TBC1D22A: variants seen among roughly 807,000 people sequenced by gnomAD.
TBC1D22A encodes the protein TBC1 domain family member 22A.
In TBC1D22A, 38 loss-of-function variants were observed where a neutral mutation model predicts 60.2. The observed-to-expected ratio is 0.63, with a 90% CI of 0.49 to 0.83. The LOEUF (loss-of-function observed/expected upper bound fraction) is 0.83. Ranked by LOEUF, TBC1D22A falls within the 40% of genes least tolerant of loss-of-function variation. The pLI is 0.00. For synonymous variants in TBC1D22A, 302 were observed against 281.7 expected, an observed-to-expected ratio of 1.07 and a Z score of -0.72; for missense variants, 628 against 701.0, an observed-to-expected ratio of 0.90 and a Z score of 1.18.
intron 4 of TBC1D22A, among the ~76,000 whole-genome samples, chr22:46,812,006 G>A (rs992410759): frequency 6.6e-6 from 1 of 152,164 alleles, no homozygotes; most frequent in Non-Finnish European, 1.5e-5. Context: ...AATTGGTCCA[G>A]GTGGTTGCCA....
chr22:47,061,945 A>C (rs1315779927), intron 11 of TBC1D22A, among the ~76,000 whole-genome samples: 2 of 151,962 alleles, frequency 1.3e-5, no homozygotes, highest in Non-Finnish European at 2.9e-5. Context: ...AACGTTAGCC[A>C]GGCGTGGTGG....
intron 11 of TBC1D22A, among the ~76,000 whole-genome samples, chr22:47,077,070 G>T (rs2064258418): frequency 6.6e-6 from 1 of 152,216 alleles, no homozygotes; most frequent in South Asian, 2.1e-4. Context: ...TCACATGGCT[G>T]TTCTTAGCTG....
chr22:46,853,467 G>A (rs769939495), intron 4 of TBC1D22A, among the ~76,000 whole-genome samples: 6 of 152,188 alleles, frequency 3.9e-5, no homozygotes, highest in Non-Finnish European at 5.9e-5. Context: ...CTGTGCCCAC[G>A]TGGCTGGCCT....
At chr22:46,818,025 T>A (rs536553856) in intron 4 of TBC1D22A, among the ~76,000 whole-genome samples, 8 of 152,378 alleles carry the variant, frequency 5.3e-5, no homozygotes, top group South Asian at 2.1e-4. Flanking sequence ...TGAGCTTTTT[T>A]AAATGTTTCT....
chr22:46,995,254 T>G (rs6009089), intron 9 of TBC1D22A, among the ~76,000 whole-genome samples: 1,546 of 152,316 alleles, frequency 0.01, 29 homozygotes, highest in African/African-American at 0.035. Flanking sequence ...GGCGTCATTC[T>G]AAGTGAAGGT....
intron 4 of TBC1D22A, among the ~76,000 whole-genome samples, chr22:46,817,396 A>G (rs139584): frequency 0.45 from 67,851 of 151,516 alleles, 15,933 homozygotes; most frequent in African/African-American, 0.61. Context: ...TGTCCTCTAA[A>G]TTCCCTCCCC....
intron 10 of TBC1D22A, among the ~76,000 whole-genome samples, chr22:47,000,908 T>A (rs2061385267): frequency 6.6e-6 from 1 of 152,130 alleles, no homozygotes. Flanking sequence ...AAGGACTTCC[T>A]GGGCCAGAGT....
chr22:46,850,491 A>G (rs998469403), intron 4 of TBC1D22A, among the ~76,000 whole-genome samples: 1 of 152,228 alleles, frequency 6.6e-6, no homozygotes, highest in African/African-American at 2.4e-5. Flanking sequence ...TGATTATAAT[A>G]AAAAAGACCA....
chr22:47,134,646 C>T (rs905785632), intron 12 of TBC1D22A, among the ~76,000 whole-genome samples: 2 of 152,112 alleles, frequency 1.3e-5, no homozygotes, highest in Non-Finnish European at 2.9e-5. Context: ...TGGGACCCTC[C>T]CTGCCCCACC....
chr22:47,047,361 C>T (rs142741002), intron 11 of TBC1D22A, among the ~76,000 whole-genome samples: 2,061 of 152,254 alleles, frequency 0.014, 20 homozygotes, highest in Middle Eastern at 0.034. Context: ...TCTTTGTGGC[C>T]GGTGATTGAA....
intron 12 of TBC1D22A, among the ~76,000 whole-genome samples, chr22:47,124,913 T>A (rs735252): frequency 0.024 from 3,657 of 151,922 alleles, 172 homozygotes; most frequent in African/African-American, 0.084. Context: ...ACAAAGATGG[T>A]GCCTGCAGAG....
At chr22:46,790,751 A>G (rs930579274) in intron 1 of TBC1D22A, among the ~76,000 whole-genome samples, 3 of 152,224 alleles carry the variant, frequency 2.0e-5, no homozygotes, top group Non-Finnish European at 2.9e-5. Flanking sequence ...TGGTGTTGAC[A>G]CTGCTGGTGG....
chr22:47,036,933 T>G, intron 10 of TBC1D22A, 138 bp from the exon 11 acceptor site: 1 of 925,804 alleles, frequency 1.1e-6, no homozygotes, highest in South Asian at 1.6e-5. Flanking sequence ...CTTTGCTCCT[T>G]GGGGGTTGTT....
intron 3 of TBC1D22A, among the ~76,000 whole-genome samples, chr22:46,796,955 C>T (rs894307471): frequency 7.9e-5 from 12 of 152,212 alleles, no homozygotes; most frequent in Admixed American, 3.9e-4. Context: ...TGAGAGCCCT[C>T]GCAGCGCCCT....
chr22:46,945,715 A>T (rs2072494755), intron 8 of TBC1D22A, among the ~76,000 whole-genome samples: 1 of 151,948 alleles, frequency 6.6e-6, no homozygotes, highest in Admixed American at 6.6e-5. Flanking sequence ...CCCCCTGGTT[A>T]CCCTCTGTCA....
intron 12 of TBC1D22A, among the ~76,000 whole-genome samples, chr22:47,156,713 C>T (rs1214359161): frequency 6.6e-6 from 1 of 152,144 alleles, no homozygotes; most frequent in Admixed American, 6.5e-5. Context: ...TCTCCCTCCC[C>T]GGGCTGGGTC....
At chr22:47,127,394 A>ATTTTTT (rs11387235) in intron 12 of TBC1D22A, among the ~76,000 whole-genome samples, 13 of 122,514 alleles carry the variant, frequency 1.1e-4, no homozygotes, top group South Asian at 2.9e-4. Flanking sequence ...CGCCCAGCTG[A>ATTTTTT]TTTTTTTTTT....
chr22:47,068,919 CA>C (rs1280574727), intron 11 of TBC1D22A, among the ~76,000 whole-genome samples: 4 of 152,110 alleles, frequency 2.6e-5, no homozygotes, highest in African/African-American at 9.7e-5. Context: ...TTTAGAAATT[CA>C]AAAGGTGAAG....
chr22:46,792,245 T>C (rs1192858102), intron 1 of TBC1D22A, among the ~76,000 whole-genome samples: 1 of 150,974 alleles, frequency 6.6e-6, no homozygotes, highest in African/African-American at 2.4e-5. Context: ...CGAGGGTCTG[T>C]GGTGGTGCTT....
Sources: gnomAD v4.1 joint callset for allele counts (sites outside exome capture counted in the v4.1 genomes callset) on GRCh38, gnomAD v4.1.1 for gene constraint, MANE v1.5 for transcripts, NCBI Gene and HGNC (gene_info 2026-07-23, HGNC 2026-07-21) for gene names.